CCDC171: variants seen among roughly 807,000 people sequenced by gnomAD.
CCDC171 encodes the protein coiled-coil domain-containing protein 171.
In CCDC171, 177 loss-of-function variants were observed where a neutral mutation model predicts 168.2. That is an observed-to-expected ratio of 1.05 (90% CI 0.93 to 1.19). The LOEUF (loss-of-function observed/expected upper bound fraction) is 1.19, where lower values mean the gene tolerates loss of function less well. Among genes scored for constraint, CCDC171 ranks in the 50% most tolerant of loss-of-function variants. CCDC171 has a pLI of 0.00. For missense variants in CCDC171, 1,991 were observed against 1,539.0 expected (o/e 1.29, Z -4.91); for synonymous variants, 687 against 540.8 (o/e 1.27, Z -3.75).
intron 11 of CCDC171, among the ~76,000 whole-genome samples, chr9:15,709,367 G>C (rs1265042263): frequency 6.6e-6 from 1 of 152,098 alleles, no homozygotes; most frequent in Non-Finnish European, 1.5e-5. Context: ...TTAGATTGGT[G>C]ATTTGGAGGA....
At chr9:16,081,401 G>C in the CCDC171 span, among the ~76,000 whole-genome samples, 3 of 152,278 alleles carry the variant, frequency 2.0e-5, no homozygotes, top group South Asian at 6.2e-4. Context: ...ACAGTGTTGG[G>C]CATGAGAACT....
chr9:15,576,350 TTTA>T (rs1240997896), intron 3 of CCDC171, among the ~76,000 whole-genome samples: 1 of 151,724 alleles, frequency 6.6e-6, no homozygotes, highest in African/African-American at 2.4e-5. Context: ...ACCTGGCTAA[TTTA>T]TTATTATTAT....
intron 24 of CCDC171, chr9:15,888,060 C>T (rs145042839): frequency 2.6e-5 from 4 of 152,296 alleles, no homozygotes; most frequent in East Asian, 1.9e-4. Context: ...CGTGACTGGC[C>T]GCTTGTTTTA....
chr9:16,077,999 T>C, the CCDC171 span, among the ~76,000 whole-genome samples: 5 of 151,884 alleles, frequency 3.3e-5, no homozygotes, highest in African/African-American at 1.2e-4. Context: ...TAATAATGTA[T>C]TATATACTTG....
At position 15,633,432 on chromosome 9, in the gene CCDC171, G is replaced by A. The variant is rs199570775; in HGVS notation, c.822+10019G>A. Reference sequence around the variant, plus strand: ...AAAAACACATGAAAAAATGCTCACCGTCACTGGCCATCAGAGAAATGCAAA... The same window carrying A: ...AAAAACACATGAAAAAATGCTCACCATCACTGGCCATCAGAGAAATGCAAA... On this transcript the variant is annotated intron_variant, in intron 7 of 25. Coordinates refer to ENST00000380701, the MANE Select transcript of CCDC171 (RefSeq NM_173550.4). Among the ~76,000 whole-genome samples, 956 of 152,196 alleles carry A rather than the reference G, an allele frequency of 6.3e-3. 7 individuals are homozygous for A. The highest frequency in any genetic ancestry group is 0.022 in the African/African-American group (912 of 41,524).
chr9:15,619,699 C>T (rs1481560173), intron 6 of CCDC171, among the ~76,000 whole-genome samples: 3 of 152,140 alleles, frequency 2.0e-5, no homozygotes, highest in South Asian at 2.1e-4. Context: ...TGAAGGTGGC[C>T]ACACTAAACA....
chr9:15,771,075 T>C (rs1249689398), intron 18 of CCDC171, among the ~76,000 whole-genome samples: 1 of 152,208 alleles, frequency 6.6e-6, no homozygotes. Context: ...GCACTGTATA[T>C]ATCTACTGTA....
At chr9:15,905,144 A>C (rs1192339184) in intron 24 of CCDC171, among the ~76,000 whole-genome samples, 2 of 152,236 alleles carry the variant, frequency 1.3e-5, no homozygotes, top group African/African-American at 4.8e-5. Flanking sequence ...ATATCCAGGA[A>C]TTGAACTCAG....
At chr9:16,023,100 CT>C (rs554339412) in intron 6 of CCDC171, among the ~76,000 whole-genome samples, 254 of 146,606 alleles carry the variant, frequency 1.7e-3, no homozygotes, top group Admixed American at 1.6e-3. Flanking sequence ...TCATTGTATT[CT>C]TTTTTTTTTT....
At chr9:15,562,677 T>G (rs2039406244) in intron 1 of CCDC171, among the ~76,000 whole-genome samples, 1 of 152,220 alleles carries the variant, frequency 6.6e-6, no homozygotes. Context: ...GGTCTGTTTA[T>G]GCCTGTTGTG....
intron 24 of CCDC171, among the ~76,000 whole-genome samples, chr9:15,878,891 C>G (rs1054329714): frequency 6.6e-6 from 1 of 152,094 alleles, no homozygotes; most frequent in African/African-American, 2.4e-5. Context: ...AAACCAAACA[C>G]CACATGTTCT....
the CCDC171 span, among the ~76,000 whole-genome samples, chr9:16,084,063 C>G: frequency 1.9e-4 from 29 of 152,302 alleles, no homozygotes; most frequent in East Asian, 1.9e-4. Context: ...TGAGTGAATG[C>G]TGGATGCAGG....
chr9:15,777,830 T>C lies in CCDC171; in HGVS notation c.2898+4T>C, dbSNP rs202139088. The C allele has an allele frequency of 1.3e-6, 2 of 1,568,690 alleles. No homozygotes were observed. The highest frequency in any genetic ancestry group is 1.7e-6 in the Non-Finnish European group (2 of 1,159,288). On this transcript the variant is annotated splice_donor_region_variant and intron_variant, in intron 19 of 25. Coordinates refer to ENST00000380701, the MANE Select transcript of CCDC171 (RefSeq NM_173550.4). ...GCGTGGCCATGTGCCCATTACGGTA[T>C]GTATACACTTTCATTTAGTAGTAAC...
chr9:15,856,222 C>T (rs997494824), intron 23 of CCDC171, among the ~76,000 whole-genome samples: 11 of 151,936 alleles, frequency 7.2e-5, no homozygotes, highest in African/African-American at 2.2e-4. Flanking sequence ...ATGGATTTTT[C>T]GTATGCAATA....
intron 21 of CCDC171, among the ~76,000 whole-genome samples, chr9:15,790,678 A>G (rs999341186): frequency 3.9e-5 from 6 of 152,182 alleles, no homozygotes; most frequent in African/African-American, 9.7e-5. Context: ...GCCCATGCCT[A>G]TGTCCTGAAT....
chr9:15,950,997 T>C (rs564690837), intron 25 of CCDC171, among the ~76,000 whole-genome samples: 1 of 150,902 alleles, frequency 6.6e-6, no homozygotes, highest in South Asian at 2.1e-4. Flanking sequence ...AAACAGACTT[T>C]AAACCAACAA....
rs147594202 is a variant in CCDC171 at position 15,700,532 on chromosome 9, G to A, written c.1318+5195G>A. On this transcript the variant is annotated intron_variant, in intron 11 of 25. Coordinates refer to ENST00000380701, the MANE Select transcript of CCDC171 (RefSeq NM_173550.4). Reference sequence around the variant, plus strand: ...GAAGGGCTCCTTAAGTGCCGCCAAGGTTCGAGCCCAGGCAGAGGAGGCGCC... The same window carrying A: ...GAAGGGCTCCTTAAGTGCCGCCAAGATTCGAGCCCAGGCAGAGGAGGCGCC... 6.5e-3 allele frequency among the ~76,000 whole-genome samples: 994 copies of A among 152,392 alleles called. 16 individuals carry two copies. The highest frequency in any genetic ancestry group is 0.023 in the African/African-American group (937 of 41,598).
At chr9:15,643,189 A>G (rs993869985) in intron 7 of CCDC171, among the ~76,000 whole-genome samples, 8 of 152,010 alleles carry the variant, frequency 5.3e-5, no homozygotes, top group African/African-American at 1.2e-4. Context: ...TTTATTCTCA[A>G]TCCTATGGGC....
At chr9:16,041,397 C>T (rs180890481), upstream of CCDC171, among the ~76,000 whole-genome samples, 1 of 152,216 alleles carries the variant, frequency 6.6e-6, no homozygotes, top group Non-Finnish European at 1.5e-5. Flanking sequence ...GCAAATGGCT[C>T]ATGCAGGAGA....
Sources: allele counts gnomAD v4.1 joint callset (sites outside exome capture counted in the v4.1 genomes callset), GRCh38; gene constraint gnomAD v4.1.1; transcripts MANE v1.5; gene names NCBI Gene and HGNC (gene_info 2026-07-23, HGNC 2026-07-21).